The following CPQ variants were observed in gnomAD, a reference collection of about 807,000 sequenced individuals.
CPQ encodes Ser-Met dipeptidase.
CPQ carries 37 observed loss-of-function variants against 45.7 expected under a neutral mutation model. That is an observed-to-expected ratio of 0.81 (90% CI 0.62 to 1.07). CPQ has a LOEUF of 1.07. Ranked by LOEUF, CPQ falls within the 50% of genes least tolerant of loss-of-function variation. CPQ has a pLI of 0.00. For synonymous variants in CPQ, 186 were observed against 205.8 expected, an observed-to-expected ratio of 0.90 and a Z score of 0.82; for missense variants, 537 against 572.9, an observed-to-expected ratio of 0.94 and a Z score of 0.64.
chr8:97,061,186 T>C (rs1336088602), intron 6 of CPQ, among the ~76,000 whole-genome samples: 3 of 152,164 alleles, frequency 2.0e-5, no homozygotes, highest in African/African-American at 7.2e-5. Context: ...TCCTGTCTTA[T>C]TTGGCTTGAA....
At chr8:96,862,284 T>TTGTGTGTGTGTG (rs34611818) in intron 3 of CPQ, among the ~76,000 whole-genome samples, 5 of 141,194 alleles carry the variant, frequency 3.5e-5, no homozygotes, top group African/African-American at 1.3e-4. Context: ...ATTTTTGCAT[T>TTGTGTGTGTGTG]TGTGTGTGTG....
chr8:96,939,444 C>T (rs569658803), intron 4 of CPQ, among the ~76,000 whole-genome samples: 1 of 152,164 alleles, frequency 6.6e-6, no homozygotes, highest in South Asian at 2.1e-4. Context: ...TGTCCCCTCA[C>T]CCCGCCAATG....
At position 96,801,659 on chromosome 8, in the gene CPQ, G is replaced by A. The variant is rs553447909; in HGVS notation, c.433+16329G>A. On this transcript the variant is annotated intron_variant, in intron 2 of 7. Coordinates refer to ENST00000220763, the MANE Select transcript of CPQ (RefSeq NM_016134.4). ...TTCAATTTTATGAAAAATCTTCTAG[G>A]AGGAGGTTTTCCTTTTTAAATTCTA... Among the ~76,000 whole-genome samples, 11 of 152,192 alleles carry A rather than the reference G, an allele frequency of 7.2e-5. No homozygotes were observed. The South Asian group carries it at 2.3e-3, about 32-fold the overall frequency.
chr8:96,666,179 T>G (rs766832409), intron 1 of CPQ, among the ~76,000 whole-genome samples: 1 of 152,120 alleles, frequency 6.6e-6, no homozygotes, highest in South Asian at 2.1e-4. Context: ...TACCTAGCCC[T>G]GTGGTTATAA....
chr8:96,795,585 TTTATC>T (rs1317367649), intron 2 of CPQ, among the ~76,000 whole-genome samples: 11 of 152,238 alleles, frequency 7.2e-5, no homozygotes, highest in African/African-American at 2.4e-4. Context: ...TTTGTGTCCT[TTTATC>T]TTATATATCA....
At chr8:96,858,105 T>C (rs1478965586) in intron 3 of CPQ, among the ~76,000 whole-genome samples, 1 of 152,122 alleles carries the variant, frequency 6.6e-6, no homozygotes, top group African/African-American at 2.4e-5. Flanking sequence ...GGGGACTCAG[T>C]GTTAAATGAG....
intron 1 of CPQ, among the ~76,000 whole-genome samples, chr8:96,698,656 TATA>T (rs545137773): frequency 1.5e-3 from 225 of 152,108 alleles, no homozygotes; most frequent in Non-Finnish European, 2.2e-3. Flanking sequence ...TAGGAAAAAA[TATA>T]ATAATATTAT....
chr8:96,772,606 G>T (rs1006259747), intron 1 of CPQ, among the ~76,000 whole-genome samples: 5 of 152,070 alleles, frequency 3.3e-5, no homozygotes, highest in Non-Finnish European at 5.9e-5. Flanking sequence ...AAGGACAGAT[G>T]GGGGAAGGGA....
At chr8:97,005,189 C>T (rs1051426547) in intron 5 of CPQ, among the ~76,000 whole-genome samples, 29 of 151,714 alleles carry the variant, frequency 1.9e-4, no homozygotes, top group Non-Finnish European at 2.9e-5. Flanking sequence ...TCAAGCGGTT[C>T]TTCTGCCTCA....
intron 5 of CPQ, among the ~76,000 whole-genome samples, chr8:97,010,510 G>C (rs528746857): frequency 6.6e-6 from 1 of 152,238 alleles, no homozygotes; most frequent in Admixed American, 6.5e-5. Context: ...AAAGAACTTA[G>C]CACAGCGTCT....
intron 4 of CPQ, among the ~76,000 whole-genome samples, chr8:96,965,685 TAG>T (rs1259609424): frequency 6.6e-6 from 1 of 152,158 alleles, no homozygotes; most frequent in Non-Finnish European, 1.5e-5. Flanking sequence ...ATTTCTTTAG[TAG>T]TCAAAATTAT....
At chr8:96,878,308 A>G (rs1165845125) in intron 3 of CPQ, among the ~76,000 whole-genome samples, 1 of 152,212 alleles carries the variant, frequency 6.6e-6, no homozygotes, top group East Asian at 1.9e-4. Context: ...GTATACTCAG[A>G]TGGTACTAAT....
intron 6 of CPQ, among the ~76,000 whole-genome samples, chr8:97,041,986 G>C (rs1427131202): frequency 6.6e-5 from 10 of 152,190 alleles, no homozygotes; most frequent in Non-Finnish European, 1.2e-4. Context: ...GTATCAGGAT[G>C]ATGCTGGCCT....
chr8:96,970,049 C>T (rs1187992132), intron 5 of CPQ, among the ~76,000 whole-genome samples: 1 of 152,148 alleles, frequency 6.6e-6, no homozygotes, highest in Non-Finnish European at 1.5e-5. Flanking sequence ...CAGCCATTTC[C>T]AATGCAGTGG....
chr8:96,882,268 G>A (rs1312608753), intron 4 of CPQ, among the ~76,000 whole-genome samples: 2 of 152,236 alleles, frequency 1.3e-5, no homozygotes, highest in Non-Finnish European at 2.9e-5. Flanking sequence ...ATCACAGGGA[G>A]TCAGACAGCT....
At chr8:96,872,395 A>G (rs1471476633) in intron 3 of CPQ, among the ~76,000 whole-genome samples, 1 of 151,876 alleles carries the variant, frequency 6.6e-6, no homozygotes, top group Non-Finnish European at 1.5e-5. Context: ...GGATTTTTGG[A>G]TTAGGGATGC....
Position 96,966,038 on chromosome 8 carries a change from A to C in CPQ, c.953A>C (p.Lys318Thr). The C allele has an allele frequency of 6.2e-7, 1 of 1,609,310 alleles. No individual in the cohort carries two copies. The highest frequency in any genetic ancestry group is 8.5e-7 in the Non-Finnish European group (1 of 1,176,808). ...TCATGGGAAGCACTCTCACTTATTAAAGATCTTGGTAAATATTTAGAAAAT... is the reference window on the plus strand; with the variant it reads ...TCATGGGAAGCACTCTCACTTATTACAGATCTTGGTAAATATTTAGAAAAT... ...FISWEALSLI[K>T]DLGLRPKRTL... is the part of the protein sequence containing the mutation. Residue 318 changes from lysine to threonine, a missense_variant, in exon 5 of 8, where the codon AAA becomes ACA. Coordinates refer to ENST00000220763, the MANE Select transcript of CPQ (RefSeq NM_016134.4).
intron 1 of CPQ, among the ~76,000 whole-genome samples, chr8:96,668,038 G>C (rs896488098): frequency 6.6e-6 from 1 of 152,088 alleles, no homozygotes; most frequent in Non-Finnish European, 1.5e-5. Flanking sequence ...TTATTAATTG[G>C]GGAAAAGTAC....
At chr8:97,113,882 A>G (rs535613205) in intron 7 of CPQ, among the ~76,000 whole-genome samples, 1 of 152,186 alleles carries the variant, frequency 6.6e-6, no homozygotes, top group Non-Finnish European at 1.5e-5. Context: ...GCCTGTTCCA[A>G]CTGTGGAAAC....
Sources: allele counts gnomAD v4.1 joint callset (sites outside exome capture counted in the v4.1 genomes callset), GRCh38; gene constraint gnomAD v4.1.1; transcripts MANE v1.5; gene names NCBI Gene and HGNC (gene_info 2026-07-23, HGNC 2026-07-21).